TBX20: variants seen among roughly 807,000 people sequenced by gnomAD.
TBX20 encodes the protein T-box transcription factor 20.
Under a neutral mutation model 42.9 loss-of-function variants are expected in TBX20, and 8 were observed. The observed-to-expected ratio is 0.19, with a 90% CI of 0.11 to 0.34. The LOEUF (loss-of-function observed/expected upper bound fraction) is 0.34. Ranked by LOEUF, TBX20 falls within the 10% of genes least tolerant of loss-of-function variation. TBX20 has a pLI of 1.00. For synonymous variants in TBX20, 198 were observed against 222.8 expected, an observed-to-expected ratio of 0.89 and a Z score of 0.99; for missense variants, 411 against 566.0, an observed-to-expected ratio of 0.73 and a Z score of 2.78.
rs775097565 is a variant in TBX20, at chr7:35,202,520, C to T, written c.1254G>A (p.Met418Ile). The T allele has an allele frequency of 2.5e-6, 4 of 1,612,576 alleles. No individual in the cohort carries two copies. Among genetic ancestry groups the T allele is most frequent in the Middle Eastern group, 1.7e-4 (1 of 6,060 alleles). Reference protein sequence around the residue: ...GSGPTFPSFHMPRYHHYFQQG... With the variant: ...GSGPTFPSFHIPRYHHYFQQG... ...GCTGAAAATAGTGATGGTATCGCGG[C>T]ATGTGGAATGAAGGGAATGTGGGGC... The change falls in exon 8 of 8, where the codon ATG becomes ATA. Residue 418 changes from methionine (M) to isoleucine (I), a missense_variant. Met to Ile is a conservative substitution (Grantham distance 10). Coordinates refer to ENST00000408931, the MANE Select transcript of TBX20 (RefSeq NM_001077653.2).
At chr7:35,207,886 CTA>C (rs1287577005) in intron 6 of TBX20, among the ~76,000 whole-genome samples, 1 of 152,072 alleles carries the variant, frequency 6.6e-6, no homozygotes, top group Non-Finnish European at 1.5e-5. Context: ...TATTAGTACT[CTA>C]TCTTTTTTTT....
chr7:35,224,604 G>A (rs1789739408), intron 6 of TBX20, among the ~76,000 whole-genome samples: 1 of 152,002 alleles, frequency 6.6e-6, no homozygotes, highest in South Asian at 2.1e-4. Flanking sequence ...CCTGGGAGGT[G>A]GAGGTTGCAG....
At chr7:35,204,627 C>T (rs540780709) in intron 6 of TBX20, 45 bp from the exon 7 acceptor site, 77 of 1,459,802 alleles carry the variant, frequency 5.3e-5, no homozygotes, top group Admixed American at 1.0e-4. Context: ...ATGTAAAGGA[C>T]TCAGAGATAC....
chr7:35,214,348 T>G (rs1789546664), intron 6 of TBX20, among the ~76,000 whole-genome samples: 1 of 152,182 alleles, frequency 6.6e-6, no homozygotes, highest in South Asian at 2.1e-4. Context: ...AAGAGAAATG[T>G]TAAGCTCTAG....
At chr7:35,248,655 T>C in intron 3 of TBX20, 22 bp downstream of exon 3, 8 of 1,613,716 alleles carry the variant, frequency 5.0e-6, no homozygotes, top group Non-Finnish European at 6.8e-6. Context: ...GTTTTCTCAG[T>C]GAAAAATCTG....
chr7:35,245,056 G>A lies in TBX20; in HGVS notation c.547C>T (p.Leu183Phe), dbSNP rs772745352. The change falls in exon 4 of 8, where the codon CTC becomes TTC. Residue 183 changes from leucine to phenylalanine, a missense_variant and splice_region_variant. This residue lies in a region of TBX20 where 121 missense variants were observed against 165.9 expected (regional missense o/e 0.73). Transcript: ENST00000408931. ...GKADPPLPARLYVHPDSPFTG... is the reference protein window; with the variant it reads ...GKADPPLPARFYVHPDSPFTG... The stretch of plus-strand genomic sequence containing the variant: ...AAAGGAGAATCTGGATGCACATAGA[G>A]CCTAAGAAAATTAGGAGAAAACTTT... The A allele has an allele frequency of 6.2e-6, 10 of 1,609,286 alleles. No individual in the cohort carries two copies. The highest frequency in any genetic ancestry group is 8.5e-6 in the Non-Finnish European group (10 of 1,176,080).
chr7:35,246,398 C>G lies in TBX20; in HGVS notation c.546-1341G>C, dbSNP rs572068769. Among the ~76,000 whole-genome samples the G allele has an allele frequency of 2.6e-5, 4 of 152,196 alleles. No homozygotes were observed. In the South Asian group the frequency reaches 8.3e-4, roughly 32 times the overall value. On this transcript the variant is annotated intron_variant, in intron 3 of 7. Coordinates refer to ENST00000408931, the MANE Select transcript of TBX20 (RefSeq NM_001077653.2). Reference sequence around the variant, plus strand: ...TAGCTTTATAGGTGCAATTGTTTTACTGATCAGAACCACATTCCTCCCTCT... The same window carrying G: ...TAGCTTTATAGGTGCAATTGTTTTAGTGATCAGAACCACATTCCTCCCTCT...
chr7:35,233,592 T>A (rs1328370972), intron 5 of TBX20, among the ~76,000 whole-genome samples: 2 of 152,234 alleles, frequency 1.3e-5, no homozygotes, highest in Admixed American at 1.3e-4. Flanking sequence ...GACTAGGACT[T>A]GTTTTTGAAA....
At chr7:35,239,556 C>T (rs189672037) in intron 5 of TBX20, among the ~76,000 whole-genome samples, 2 of 152,206 alleles carry the variant, frequency 1.3e-5, no homozygotes, top group African/African-American at 4.8e-5. Flanking sequence ...AGTTACTCAC[C>T]CTCTCTTAGC....
At chr7:35,247,146 T>C (rs1334524261) in intron 3 of TBX20, among the ~76,000 whole-genome samples, 3 of 124,438 alleles carry the variant, frequency 2.4e-5, no homozygotes, top group Non-Finnish European at 4.7e-5. Context: ...ATTAACTTCT[T>C]AGAGGAAAGA....
At chr7:35,245,083 T>C (rs765716454) in intron 3 of TBX20, 26 bp from the exon 4 acceptor site, 2 of 1,493,934 alleles carry the variant, frequency 1.3e-6, no homozygotes, top group Non-Finnish European at 1.9e-6. Flanking sequence ...GAAAACTTTA[T>C]TGAGACTTCT....
chr7:35,240,646 G>A (rs1193020313), intron 5 of TBX20, among the ~76,000 whole-genome samples: 2 of 152,152 alleles, frequency 1.3e-5, no homozygotes, highest in Non-Finnish European at 2.9e-5. Context: ...GGTAGGTGTG[G>A]GTGGGGAAGT....
chr7:35,222,794 G>T (rs1789704272), intron 6 of TBX20, among the ~76,000 whole-genome samples: 1 of 152,142 alleles, frequency 6.6e-6, no homozygotes, highest in Non-Finnish European at 1.5e-5. Context: ...GGGTCAGGTG[G>T]GGTAGATTCT....
chr7:35,217,899 T>C (rs932701807), intron 6 of TBX20, among the ~76,000 whole-genome samples: 1 of 152,170 alleles, frequency 6.6e-6, no homozygotes, highest in Non-Finnish European at 1.5e-5. Flanking sequence ...TTTGTATTTT[T>C]AGTAGAGACG....
At chr7:35,204,370 C>G (rs553616543) in intron 7 of TBX20, 100 bp downstream of exon 7, 2 of 776,620 alleles carry the variant, frequency 2.6e-6, no homozygotes, top group Admixed American at 2.0e-5. Flanking sequence ...TTCCCGGCAT[C>G]GTGTACTCTG....
intron 3 of TBX20, among the ~76,000 whole-genome samples, chr7:35,247,348 C>T (rs2128715734): frequency 6.6e-6 from 1 of 151,824 alleles, no homozygotes; most frequent in South Asian, 2.1e-4. Flanking sequence ...CTATTATAAA[C>T]TGGTGAATCT....
At position 35,231,193 on chromosome 7, in the gene TBX20, C is replaced by CT. The variant is rs1789859718; in HGVS notation, c.890+310_890+311insA. 2.0e-5 allele frequency among the ~76,000 whole-genome samples: 3 copies of CT among 152,270 alleles called. No individual in the cohort carries two copies. The South Asian group carries it at 6.2e-4, about 32-fold the overall frequency. On this transcript the variant is annotated intron_variant, in intron 6 of 7. Coordinates refer to ENST00000408931, the MANE Select transcript of TBX20 (RefSeq NM_001077653.2). ...TTCTGTTTCTCTATAGACTGCCACT[C>CT]ATTGAGACACGAAGCTTAAGAATGT...
chr7:35,227,318 T>C (rs1226731133), intron 6 of TBX20, among the ~76,000 whole-genome samples: 1 of 152,258 alleles, frequency 6.6e-6, no homozygotes, highest in East Asian at 1.9e-4. Flanking sequence ...TGTACAGTGT[T>C]TATAAAGTCT....
chr7:35,228,620 A>G (rs1382261554), intron 6 of TBX20, among the ~76,000 whole-genome samples: 1 of 152,174 alleles, frequency 6.6e-6, no homozygotes, highest in East Asian at 1.9e-4. Context: ...TTTTCTCAGA[A>G]GGAACACTGT....
Sources: gnomAD v4.1 joint callset for allele counts (sites outside exome capture counted in the v4.1 genomes callset) on GRCh38, gnomAD v4.1.1 for gene constraint, gnomAD v4.1.1 regional missense constraint, MANE v1.5 for transcripts, NCBI Gene and HGNC (gene_info 2026-07-23, HGNC 2026-07-21) for gene names.